The following SPATA13 variants were observed in gnomAD, a reference collection of about 807,000 sequenced individuals.
The protein encoded by SPATA13 is spermatogenesis associated 13.
A neutral mutation model predicts 104.0 loss-of-function variants in SPATA13; 50 were observed. The observed-to-expected ratio is 0.48, with a 90% CI of 0.38 to 0.61. SPATA13 has a LOEUF of 0.61. Among genes scored for constraint, SPATA13 ranks in the 20% least tolerant of loss-of-function variants. SPATA13 has a pLI of 0.00. For missense variants in SPATA13, 1,524 were observed against 1,690.6 expected, an observed-to-expected ratio of 0.90 and a Z score of 1.73; for synonymous variants, 606 against 667.5, an observed-to-expected ratio of 0.91 and a Z score of 1.42.
At chr13:23,983,834 A>C in exon 2 of SPATA13, 1 of 975,184 alleles carries the variant, frequency 1.0e-6, no homozygotes, top group Non-Finnish European at 1.2e-6. Context: ...GATGGGAGTC[A>C]TATTCGCTGC....
At chr13:24,274,528 C>T (rs1233729728) in intron 4 of SPATA13, among the ~76,000 whole-genome samples, 3 of 152,198 alleles carry the variant, frequency 2.0e-5, no homozygotes, top group Admixed American at 6.5e-5. Flanking sequence ...TCCTGTGACC[C>T]AGCTCTTTCC....
Position 24,224,465 on chromosome 13 carries a change from G to A in SPATA13, c.1536G>A (p.Glu512=). The A allele has an allele frequency of 6.4e-7, 1 of 1,551,442 alleles. No individual in the cohort carries two copies. Among genetic ancestry groups the A allele is most frequent in the Non-Finnish European group, 8.7e-7 (1 of 1,147,004 alleles). ...GGGCAGAAGAGCCTGCTCAGAGAGA[G>A]CCAGGGCCTGTGTCCTTGCAGGATC... The part of the protein sequence containing the change: ...EGRAEEPAQR[E]PGPVSLQDPL... The change falls in exon 2 of 13, where the codon GAG becomes GAA. Residue 512 remains glutamate, a synonymous_variant. Transcript: ENST00000382108.
At chr13:24,269,732 C>G (rs1299992781) in intron 4 of SPATA13, among the ~76,000 whole-genome samples, 1 of 139,262 alleles carries the variant, frequency 7.2e-6, no homozygotes, top group Non-Finnish European at 1.5e-5. Flanking sequence ...CTATGCATGG[C>G]TAATATAAAT....
chr13:24,129,945 T>C (rs897361597), intron 3 of SPATA13, among the ~76,000 whole-genome samples: 3 of 152,184 alleles, frequency 2.0e-5, no homozygotes, highest in Admixed American at 2.0e-4. Flanking sequence ...CCTGTACTGC[T>C]CCCGGGTGGA....
chr13:24,149,757 C>T (rs113208653), intron 3 of SPATA13, among the ~76,000 whole-genome samples: 396 of 152,298 alleles, frequency 2.6e-3, no homozygotes, highest in Non-Finnish European at 3.8e-3. Context: ...CCCTGCGGGG[C>T]GGATAGAGCT....
intron 4 of SPATA13, among the ~76,000 whole-genome samples, chr13:24,256,503 A>G (rs1268959020): frequency 6.6e-6 from 1 of 152,252 alleles, no homozygotes; most frequent in East Asian, 1.9e-4. Flanking sequence ...AAACTCTCCA[A>G]ATTAAGTAGT....
chr13:24,083,566 T>A (rs946224310), intron 3 of SPATA13, among the ~76,000 whole-genome samples: 8 of 152,182 alleles, frequency 5.3e-5, no homozygotes. Flanking sequence ...TTCCCTAAGT[T>A]TCCAAGCCTG....
intron 3 of SPATA13, among the ~76,000 whole-genome samples, chr13:24,065,365 G>A (rs115379576): frequency 0.011 from 1,667 of 152,186 alleles, 34 homozygotes; most frequent in African/African-American, 0.038. Flanking sequence ...AGCATGTGTG[G>A]GAGGGCTGTG....
chr13:24,111,247 G>A (rs1050812464), intron 3 of SPATA13, among the ~76,000 whole-genome samples: 2 of 151,696 alleles, frequency 1.3e-5, no homozygotes, highest in Non-Finnish European at 2.9e-5. Context: ...AAAGAGGCTA[G>A]TGAAAAAAAA....
chr13:24,247,888 G>T (rs1247591575), intron 2 of SPATA13, among the ~76,000 whole-genome samples: 1 of 152,080 alleles, frequency 6.6e-6, no homozygotes, highest in Non-Finnish European at 1.5e-5. Context: ...CTGGAGGTGT[G>T]CCTCCTTTGC....
At chr13:24,195,873 C>T (rs1392437601) in intron 1 of SPATA13, among the ~76,000 whole-genome samples, 1 of 152,114 alleles carries the variant, frequency 6.6e-6, no homozygotes, top group African/African-American at 2.4e-5. Flanking sequence ...ATTTAATTAG[C>T]TCAAGTGATG....
At chr13:24,193,855 AG>A (rs760583939) in intron 1 of SPATA13, among the ~76,000 whole-genome samples, 4 of 152,202 alleles carry the variant, frequency 2.6e-5, no homozygotes, top group Non-Finnish European at 5.9e-5. Flanking sequence ...GGTCACAATG[AG>A]GAAGATGGAT....
At chr13:24,241,576 G>A (rs1370319308) in intron 2 of SPATA13, among the ~76,000 whole-genome samples, 1 of 152,244 alleles carries the variant, frequency 6.6e-6, no homozygotes, top group Non-Finnish European at 1.5e-5. Flanking sequence ...GCTTGCCTAA[G>A]TGATGCACGG....
chr13:24,140,968 A>T (rs933716102), intron 3 of SPATA13, among the ~76,000 whole-genome samples: 3 of 152,204 alleles, frequency 2.0e-5, no homozygotes, highest in African/African-American at 7.2e-5. Context: ...TGAGGTCAGG[A>T]GTTCGAGACC....
chr13:24,149,227 T>A (rs901244130), intron 3 of SPATA13, among the ~76,000 whole-genome samples: 7 of 152,214 alleles, frequency 4.6e-5, no homozygotes, highest in Admixed American at 4.6e-4. Flanking sequence ...CATTAGTGAG[T>A]CCTGAAATGA....
intron 4 of SPATA13, among the ~76,000 whole-genome samples, chr13:24,274,688 G>A (rs73168733): frequency 0.14 from 20,619 of 152,238 alleles, 1,540 homozygotes; most frequent in African/African-American, 0.2. Context: ...AAGTCAGAAT[G>A]GCTTATCTCA....
intron 3 of SPATA13, among the ~76,000 whole-genome samples, chr13:24,023,584 T>C (rs1420028207): frequency 6.6e-6 from 1 of 152,082 alleles, no homozygotes; most frequent in Non-Finnish European, 1.5e-5. Context: ...AATCAGCTGA[T>C]CCTAAAATAA....
At chr13:24,084,839 T>C (rs1371687935) in intron 3 of SPATA13, among the ~76,000 whole-genome samples, 10 of 152,124 alleles carry the variant, frequency 6.6e-5, no homozygotes, top group Non-Finnish European at 1.5e-4. Context: ...CTGGGCAACA[T>C]AGCAAGACCC....
At chr13:24,147,972 A>T (rs2138466819) in intron 3 of SPATA13, among the ~76,000 whole-genome samples, 1 of 152,246 alleles carries the variant, frequency 6.6e-6, no homozygotes, top group South Asian at 2.1e-4. Context: ...TGTATACACC[A>T]CATTTTTTTA....
Sources: gnomAD v4.1 joint callset for allele counts (sites outside exome capture counted in the v4.1 genomes callset) on GRCh38, gnomAD v4.1.1 for gene constraint, MANE v1.5 for transcripts, NCBI Gene and HGNC (gene_info 2026-07-23, HGNC 2026-07-21) for gene names.